Variants in RREB1 observed in about 807,000 individuals in gnomAD.
RREB1 encodes the protein ras-responsive element-binding protein 1.
In RREB1, 27 loss-of-function variants were observed where a neutral mutation model predicts 117.8. The ratio of observed to expected loss-of-function variants is 0.23; its 90% CI spans 0.17 to 0.32. The LOEUF (loss-of-function observed/expected upper bound fraction) is 0.32. Among genes scored for constraint, RREB1 ranks in the 10% least tolerant of loss-of-function variants. The pLI, the probability that RREB1 is intolerant of heterozygous loss-of-function variation, is 1.00. For missense variants in RREB1, 2,577 were observed against 2,378.2 expected (o/e 1.08, Z -1.74); for synonymous variants, 1,298 against 1,026.7 (o/e 1.26, Z -5.05).
chr6:7,116,199 G>C (rs546740333), intron 1 of RREB1, among the ~76,000 whole-genome samples: 1 of 152,134 alleles, frequency 6.6e-6, no homozygotes, highest in Non-Finnish European at 1.5e-5. Flanking sequence ...AAGGAACTTC[G>C]TCTGCTTCCA....
In RREB1 at chr6:7,236,844, G is replaced by C. The variant is rs1407733028; in HGVS notation, c.3809-3594G>C. On this transcript the variant is annotated intron_variant, in intron 10 of 12. Coordinates refer to ENST00000379938, the MANE Select transcript of RREB1 (RefSeq NM_001003699.4). ...TCCTTCTTCGTTTCTTGACTGTTCT[G>C]GGAGAGTAAACACTGGCTAATTTTT... Among the ~76,000 whole-genome samples the C allele has an allele frequency of 1.2e-4, 18 of 147,698 alleles. No homozygotes were observed. In the East Asian group the frequency reaches 3.4e-3, roughly 28 times the overall value.
At chr6:7,236,887 G>GTTTTTTTTTTTTT (rs869133214) in intron 10 of RREB1, among the ~76,000 whole-genome samples, 2 of 63,404 alleles carry the variant, frequency 3.2e-5, no homozygotes, top group Non-Finnish European at 2.7e-5. Context: ...GTTTTTGGAG[G>GTTTTTTTTTTTTT]TTTTTTTTTT....
At chr6:7,135,080 TAGAG>T (rs931240805) in intron 1 of RREB1, among the ~76,000 whole-genome samples, 1 of 152,178 alleles carries the variant, frequency 6.6e-6, no homozygotes, top group Non-Finnish European at 1.5e-5. Context: ...TGTGATCTAT[TAGAG>T]AGAGGACTGG....
intron 1 of RREB1, among the ~76,000 whole-genome samples, chr6:7,156,241 C>G (rs146342646): frequency 4.6e-5 from 7 of 152,108 alleles, no homozygotes; most frequent in Admixed American, 4.6e-4. Context: ...TTTAAAGCTC[C>G]GTCCACTTCC....
intron 10 of RREB1, among the ~76,000 whole-genome samples, chr6:7,237,467 A>G (rs1257882976): frequency 2.0e-4 from 30 of 151,860 alleles, no homozygotes; most frequent in Non-Finnish European, 1.0e-4. Flanking sequence ...GGCTCAAGCG[A>G]TCCACCTCCG....
At chr6:7,131,656 T>C (rs544423257) in intron 1 of RREB1, among the ~76,000 whole-genome samples, 20 of 152,254 alleles carry the variant, frequency 1.3e-4, no homozygotes, top group African/African-American at 4.8e-4. Flanking sequence ...ATATCCACTT[T>C]TGGGCTGACA....
chr6:7,127,084 G>A (rs1047326513), intron 1 of RREB1, among the ~76,000 whole-genome samples: 1 of 152,180 alleles, frequency 6.6e-6, no homozygotes, highest in Non-Finnish European at 1.5e-5. Context: ...TGAGGACAGG[G>A]TAGGGCAAAA....
At chr6:7,188,104 G>A (rs1765181502) in intron 5 of RREB1, among the ~76,000 whole-genome samples, 1 of 152,146 alleles carries the variant, frequency 6.6e-6, no homozygotes, top group African/African-American at 2.4e-5. Flanking sequence ...GGGAGCAGAG[G>A]TTGCAGTGAC....
intron 4 of RREB1, among the ~76,000 whole-genome samples, chr6:7,186,753 G>T (rs1481242678): frequency 1.3e-5 from 2 of 152,240 alleles, no homozygotes; most frequent in African/African-American, 2.4e-5. Context: ...CCCTCACCAA[G>T]TAGTGAGCTG....
intron 11 of RREB1, among the ~76,000 whole-genome samples, chr6:7,242,628 C>A (rs1303938831): frequency 7.5e-6 from 1 of 133,126 alleles, no homozygotes; most frequent in African/African-American, 3.1e-5. Context: ...TGGGGTGAAG[C>A]CTTCATTCTG....
At chr6:7,129,456 G>T (rs956547653) in intron 1 of RREB1, among the ~76,000 whole-genome samples, 2 of 152,214 alleles carry the variant, frequency 1.3e-5, no homozygotes, top group Non-Finnish European at 2.9e-5. Flanking sequence ...CATGTGGTTT[G>T]TGTGTCTGTG....
intron 1 of RREB1, among the ~76,000 whole-genome samples, chr6:7,172,529 T>C (rs537568223): frequency 1.3e-5 from 2 of 152,280 alleles, no homozygotes; most frequent in African/African-American, 4.8e-5. Flanking sequence ...ATTATAGGCA[T>C]GAGCCACCAT....
intron 10 of RREB1, among the ~76,000 whole-genome samples, chr6:7,236,162 A>T (rs945989510): frequency 2.0e-5 from 3 of 152,098 alleles, no homozygotes; most frequent in African/African-American, 7.2e-5. Context: ...TTTTTAGGCC[A>T]CAGGTGGAGG....
At chr6:7,222,635 C>G (rs528899453) in intron 8 of RREB1, among the ~76,000 whole-genome samples, 2 of 152,258 alleles carry the variant, frequency 1.3e-5, no homozygotes, top group African/African-American at 2.4e-5. Context: ...AAGACAGACA[C>G]AGGCATAAGA....
intron 1 of RREB1, among the ~76,000 whole-genome samples, chr6:7,132,525 C>T (rs1762196147): frequency 6.6e-6 from 1 of 152,170 alleles, no homozygotes; most frequent in African/African-American, 2.4e-5. Flanking sequence ...TGCCATAGTG[C>T]CTGGCACATA....
chr6:7,247,975 G>T (rs538321021), intron 12 of RREB1, among the ~76,000 whole-genome samples: 1 of 152,324 alleles, frequency 6.6e-6, no homozygotes, highest in Non-Finnish European at 1.5e-5. Context: ...CCCTGCGCTT[G>T]CCCGTGTGAA....
Position 7,249,104 on chromosome 6 carries a change from ACAAG to A in RREB1, c.*139_*142del, listed in dbSNP as rs1769297874. The A allele has an allele frequency of 1.4e-6, 1 of 698,632 alleles. No homozygotes were observed. Among genetic ancestry groups the A allele is most frequent in the Non-Finnish European group, 2.3e-6 (1 of 442,152 alleles). 43.3% of individuals were successfully genotyped at this position (698,632 alleles called of 1,614,324 possible). On this transcript the variant is annotated 3_prime_UTR_variant, in exon 13 of 13. Transcript: ENST00000379938. ...GAGAGAGAGAGAGAGAGAGAGAGAG[ACAAG>A]CAGGAGCGTGGCTGCTCGCTCAGTG...
chr6:7,112,728 A>AT (rs1474690999), intron 1 of RREB1, among the ~76,000 whole-genome samples: 1 of 152,248 alleles, frequency 6.6e-6, no homozygotes, highest in African/African-American at 2.4e-5. Flanking sequence ...TGTTGTTTTC[A>AT]TTACTACGGA....
At chr6:7,182,307 C>T (rs1437314962) in intron 4 of RREB1, among the ~76,000 whole-genome samples, 2 of 151,916 alleles carry the variant, frequency 1.3e-5, no homozygotes, top group Admixed American at 6.6e-5. Flanking sequence ...TGGAAGTGCC[C>T]TTATTTTTGG....
Sources: gnomAD v4.1 joint callset for allele counts (sites outside exome capture counted in the v4.1 genomes callset) on GRCh38, gnomAD v4.1.1 for gene constraint, MANE v1.5 for transcripts, NCBI Gene and HGNC (gene_info 2026-07-23, HGNC 2026-07-21) for gene names.